The following CA10 variants were observed in gnomAD, a reference collection of about 807,000 sequenced individuals.
CA10 encodes the protein carbonic anhydrase-related protein 10.
A neutral mutation model predicts 44.2 loss-of-function variants in CA10; 14 were observed. The ratio of observed to expected loss-of-function variants is 0.32; its 90% CI spans 0.21 to 0.50. The LOEUF (loss-of-function observed/expected upper bound fraction) is 0.50, where lower values mean the gene tolerates loss of function less well. Ranked by LOEUF, CA10 falls within the 20% of genes least tolerant of loss-of-function variation. CA10 has a pLI of 0.99. For synonymous variants in CA10, 159 were observed against 141.6 expected (o/e 1.12, Z -0.87); for missense variants, 350 against 409.7 (o/e 0.85, Z 1.26).
intron 2 of CA10, among the ~76,000 whole-genome samples, chr17:52,028,994 C>A (rs1296412174): frequency 6.6e-6 from 1 of 152,200 alleles, no homozygotes; most frequent in Non-Finnish European, 1.5e-5. Context: ...ATTCCTGTCC[C>A]TCAACCTGTT....
intron 2 of CA10, among the ~76,000 whole-genome samples, chr17:52,021,828 G>A (rs1173187246): frequency 1.3e-5 from 2 of 151,968 alleles, no homozygotes; most frequent in East Asian, 1.9e-4. Context: ...TCCCAGGAAT[G>A]CACAACCTTC....
chr17:52,007,333 A>T (rs1985634339), intron 2 of CA10, among the ~76,000 whole-genome samples: 1 of 151,576 alleles, frequency 6.6e-6, no homozygotes, highest in African/African-American at 2.4e-5. Flanking sequence ...TAATGGAAAA[A>T]TTTCTTACAT....
chr17:51,702,266 C>A (rs747411251), intron 4 of CA10, among the ~76,000 whole-genome samples: 1 of 152,138 alleles, frequency 6.6e-6, no homozygotes, highest in Non-Finnish European at 1.5e-5. Flanking sequence ...AGGCCCAGAG[C>A]AGTTGGGAGA....
intron 3 of CA10, among the ~76,000 whole-genome samples, chr17:51,847,191 T>G (rs1978533807): frequency 6.6e-6 from 1 of 152,196 alleles, no homozygotes; most frequent in South Asian, 2.1e-4. Flanking sequence ...AATCTGTGGT[T>G]CCAAATAATT....
At chr17:52,062,023 C>T (rs1378263506) in intron 2 of CA10, among the ~76,000 whole-genome samples, 2 of 149,780 alleles carry the variant, frequency 1.3e-5, no homozygotes, top group African/African-American at 4.9e-5. Context: ...CATAAATTCA[C>T]TATATGCCGC....
chr17:51,661,589 A>T (rs1184632416), intron 4 of CA10: 1 of 152,210 alleles, frequency 6.6e-6, no homozygotes, highest in East Asian at 1.9e-4. Context: ...GTAAGCTACT[A>T]TTGTTGTTGT....
intron 3 of CA10, among the ~76,000 whole-genome samples, chr17:51,786,194 G>T (rs535048872): frequency 7.5e-5 from 11 of 146,644 alleles, no homozygotes; most frequent in Admixed American, 1.4e-4. Context: ...TTTTTAATGC[G>T]TTCTAACATC....
chr17:52,046,541 A>G (rs971008164), intron 2 of CA10, among the ~76,000 whole-genome samples: 4 of 151,842 alleles, frequency 2.6e-5, no homozygotes, highest in Non-Finnish European at 5.9e-5. Context: ...GGATAGTCAT[A>G]TAACAATTCA....
intron 3 of CA10, among the ~76,000 whole-genome samples, chr17:51,890,202 C>G (rs1441827563): frequency 2.6e-5 from 4 of 152,146 alleles, no homozygotes; most frequent in Non-Finnish European, 4.4e-5. Context: ...ACTTAATAAT[C>G]TCTCTTGTCT....
At chr17:51,835,075 A>G (rs1908425891) in intron 3 of CA10, among the ~76,000 whole-genome samples, 1 of 152,210 alleles carries the variant, frequency 6.6e-6, no homozygotes, top group South Asian at 2.1e-4. Flanking sequence ...AGCAAAAGCA[A>G]TCTGACCTTG....
At chr17:51,691,884 G>T (rs1201271182) in intron 4 of CA10, among the ~76,000 whole-genome samples, 2 of 152,152 alleles carry the variant, frequency 1.3e-5, no homozygotes, top group East Asian at 3.9e-4. Flanking sequence ...ATATTGGCCT[G>T]AGTCACTTTC....
At chr17:51,991,425 T>A (rs1202911811) in intron 2 of CA10, among the ~76,000 whole-genome samples, 2 of 152,118 alleles carry the variant, frequency 1.3e-5, no homozygotes, top group Non-Finnish European at 2.9e-5. Context: ...TACAACTACA[T>A]CATCAACATC....
At chr17:52,056,425 C>T (rs556357458) in intron 2 of CA10, among the ~76,000 whole-genome samples, 13 of 152,196 alleles carry the variant, frequency 8.5e-5, no homozygotes, top group African/African-American at 2.6e-4. Flanking sequence ...ATCATCAAAA[C>T]GGGTCCTTCA....
At chr17:51,765,749 AG>A (rs1567832415) in intron 3 of CA10, among the ~76,000 whole-genome samples, 1 of 131,410 alleles carries the variant, frequency 7.6e-6, no homozygotes, top group African/African-American at 2.6e-5. Flanking sequence ...GCATGTGTTT[AG>A]GGGGGGTTGG....
chr17:52,083,761 G>T (rs557236194), intron 1 of CA10, among the ~76,000 whole-genome samples: 2 of 151,908 alleles, frequency 1.3e-5, no homozygotes, highest in Non-Finnish European at 2.9e-5. Flanking sequence ...TTTTATGGCT[G>T]AGTAGTATTC....
intron 2 of CA10, among the ~76,000 whole-genome samples, chr17:51,961,042 C>G (rs1363439163): frequency 6.6e-6 from 1 of 152,198 alleles, no homozygotes; most frequent in Non-Finnish European, 1.5e-5. Context: ...GACATTCTAA[C>G]TATAGATTGC....
chr17:52,082,420 GT>G (rs1988008033), intron 1 of CA10, among the ~76,000 whole-genome samples: 1 of 152,074 alleles, frequency 6.6e-6, no homozygotes, highest in African/African-American at 2.4e-5. Flanking sequence ...ATTACGTCTT[GT>G]TTTTTCATTC....
intron 3 of CA10, among the ~76,000 whole-genome samples, chr17:51,915,782 C>T (rs2143960034): frequency 6.6e-6 from 1 of 152,164 alleles, no homozygotes; most frequent in South Asian, 2.1e-4. Flanking sequence ...TTTTATATCC[C>T]TGCAGTGCAG....
At chr17:51,861,143 G>C (rs938235655) in intron 3 of CA10, among the ~76,000 whole-genome samples, 2 of 152,106 alleles carry the variant, frequency 1.3e-5, no homozygotes, top group Non-Finnish European at 2.9e-5. Context: ...CTGCCAGTAG[G>C]GGGTGCTAAA....
Sources: gnomAD v4.1 joint callset for allele counts (sites outside exome capture counted in the v4.1 genomes callset) on GRCh38, gnomAD v4.1.1 for gene constraint, MANE v1.5 for transcripts, NCBI Gene and HGNC (gene_info 2026-07-23, HGNC 2026-07-21) for gene names.